The following RNLS variants were observed in gnomAD, a reference collection of about 807,000 sequenced individuals.
The protein encoded by RNLS is renalase, FAD dependent amine oxidase, also known as renalase.
In RNLS, 39 loss-of-function variants were observed where a neutral mutation model predicts 39.8. The ratio of observed to expected loss-of-function variants is 0.98; its 90% CI spans 0.76 to 1.28. The LOEUF is 1.28. RNLS is among the 50% of genes most tolerant of loss of function. The probability of loss-of-function intolerance (pLI) is 0.00; values close to 1 mark genes in which losing one functional copy is unlikely to be tolerated. For missense variants in RNLS, 410 were observed against 413.3 expected, an observed-to-expected ratio of 0.99 and a Z score of 0.07; for synonymous variants, 147 against 150.7, an observed-to-expected ratio of 0.98 and a Z score of 0.18.
At chr10:88,505,797 C>G (rs537692336) in intron 4 of RNLS, among the ~76,000 whole-genome samples, 105 of 152,230 alleles carry the variant, frequency 6.9e-4, no homozygotes, top group Non-Finnish European at 1.3e-3. Context: ...AATGATCAAA[C>G]TTGTCACTAA....
intron 4 of RNLS, among the ~76,000 whole-genome samples, chr10:88,420,657 C>T (rs1024539218): frequency 1.3e-5 from 2 of 152,210 alleles, no homozygotes; most frequent in African/African-American, 4.8e-5. Flanking sequence ...GAATGACCCT[C>T]ATCTCAGGAG....
chr10:88,376,013 G>A (rs556719580), intron 4 of RNLS, among the ~76,000 whole-genome samples: 4 of 152,204 alleles, frequency 2.6e-5, no homozygotes, highest in East Asian at 1.9e-4. Context: ...GGTCTCTCAC[G>A]TAATACAAGT....
chr10:88,285,167 C>A lies in RNLS; in HGVS notation c.*187G>T. On this transcript the variant is annotated 3_prime_UTR_variant, in exon 7 of 7. Coordinates refer to ENST00000331772, the MANE Select transcript of RNLS (RefSeq NM_001031709.3). ...GGAAGGTGCAAGGTGTGAGGAATTTCCATTCTAGCATGGGTTGTAACTATC... is the reference window on the plus strand; with the variant it reads ...GGAAGGTGCAAGGTGTGAGGAATTTACATTCTAGCATGGGTTGTAACTATC... The A allele has an allele frequency of 1.8e-6, 2 of 1,125,558 alleles. No individual in the cohort carries two copies. The highest frequency in any genetic ancestry group is 1.1e-6 in the Non-Finnish European group (1 of 913,606). The allele number at this position is 1,125,558 out of a possible 1,614,324, so 69.7% of individuals were successfully genotyped here.
the RNLS span, among the ~76,000 whole-genome samples, chr10:88,218,805 G>T: frequency 6.6e-6 from 1 of 152,128 alleles, no homozygotes; most frequent in African/African-American, 2.4e-5. Context: ...GTTTCCAAGA[G>T]AGCATTTGAA....
chr10:88,294,926 GC>G (rs1163968290), intron 6 of RNLS, among the ~76,000 whole-genome samples: 1 of 151,138 alleles, frequency 6.6e-6, no homozygotes. Context: ...TTGCTTTTCC[GC>G]CCCCACCCTC....
intron 4 of RNLS, among the ~76,000 whole-genome samples, chr10:88,410,649 G>A (rs1047426374): frequency 6.6e-6 from 1 of 152,060 alleles, no homozygotes; most frequent in Non-Finnish European, 1.5e-5. Context: ...TATCAACTGA[G>A]TTTGGAACCA....
downstream of RNLS, among the ~76,000 whole-genome samples, chr10:88,271,674 G>A (rs7915767): frequency 5.3e-5 from 8 of 152,190 alleles, no homozygotes; most frequent in Admixed American, 1.3e-4. Context: ...CACCCCGTCC[G>A]GTTTCATTTT....
chr10:88,303,205 G>A (rs1218441128), intron 6 of RNLS, among the ~76,000 whole-genome samples: 1 of 152,242 alleles, frequency 6.6e-6, no homozygotes, highest in Non-Finnish European at 1.5e-5. Context: ...GCTGCTTAGA[G>A]AAGAGGTAGG....
intron 4 of RNLS, among the ~76,000 whole-genome samples, chr10:88,393,654 G>A (rs1852359095): frequency 6.6e-6 from 1 of 152,008 alleles, no homozygotes; most frequent in African/African-American, 2.4e-5. Flanking sequence ...TCCCCATCAA[G>A]CTACCAATGA....
chr10:88,550,012 C>T (rs901608029), intron 4 of RNLS, among the ~76,000 whole-genome samples: 2 of 152,168 alleles, frequency 1.3e-5, no homozygotes, highest in African/African-American at 4.8e-5. Context: ...CACACATACA[C>T]ATACAATCTC....
chr10:88,404,386 A>G (rs905642936), intron 4 of RNLS, among the ~76,000 whole-genome samples: 1 of 152,048 alleles, frequency 6.6e-6, no homozygotes. Flanking sequence ...GAGTTCTGTA[A>G]ACTTCTCTAC....
chr10:88,226,009 A>G, the RNLS span, among the ~76,000 whole-genome samples: 3 of 152,186 alleles, frequency 2.0e-5, no homozygotes, highest in African/African-American at 7.2e-5. Context: ...TTAGCTTGCA[A>G]TGAAAGAGAC....
At chr10:88,375,578 A>ACAAT (rs1329145147) in intron 4 of RNLS, among the ~76,000 whole-genome samples, 1 of 152,182 alleles carries the variant, frequency 6.6e-6, no homozygotes, top group African/African-American at 2.4e-5. Context: ...CTAATTGGAA[A>ACAAT]CAATCAGATT....
chr10:88,322,313 C>A (rs1161782012), intron 5 of RNLS, among the ~76,000 whole-genome samples: 1 of 152,132 alleles, frequency 6.6e-6, no homozygotes, highest in Non-Finnish European at 1.5e-5. Flanking sequence ...CATGGCAAAC[C>A]CACAGCCAAC....
chr10:88,480,062 T>G (rs911624585), intron 4 of RNLS, among the ~76,000 whole-genome samples: 5 of 152,126 alleles, frequency 3.3e-5, no homozygotes, highest in African/African-American at 1.2e-4. Context: ...AATTACTGAG[T>G]TTTTGCATTG....
chr10:88,377,241 TACACACAC>T (rs202223419), intron 4 of RNLS, among the ~76,000 whole-genome samples: 1 of 42,068 alleles, frequency 2.4e-5, no homozygotes. Context: ...CACACACATA[TACACACAC>T]ACACACACAC....
At chr10:88,514,993 T>C (rs1846334140) in intron 4 of RNLS, among the ~76,000 whole-genome samples, 1 of 152,132 alleles carries the variant, frequency 6.6e-6, no homozygotes, top group African/African-American at 2.4e-5. Flanking sequence ...TCATTCTACA[T>C]TCTTACCAAC....
At chr10:88,199,138 G>A in the RNLS span, among the ~76,000 whole-genome samples, 14 of 152,152 alleles carry the variant, frequency 9.2e-5, no homozygotes, top group African/African-American at 3.4e-4. Flanking sequence ...AAGGTGAGGA[G>A]AAGAGAAGTG....
At chr10:88,190,326 A>C in the RNLS span, among the ~76,000 whole-genome samples, 2 of 152,316 alleles carry the variant, frequency 1.3e-5, no homozygotes, top group Admixed American at 1.3e-4. Context: ...GCCACATTTG[A>C]ATCCTTGGCT....
Sources: gnomAD v4.1 joint callset for allele counts (sites outside exome capture counted in the v4.1 genomes callset) on GRCh38, gnomAD v4.1.1 for gene constraint, MANE v1.5 for transcripts, NCBI Gene and HGNC (gene_info 2026-07-23, HGNC 2026-07-21) for gene names.